The following HEATR4 variants were observed in gnomAD, a reference collection of about 807,000 sequenced individuals.
HEATR4 encodes the protein HEAT repeat-containing protein 4.
Under a neutral mutation model 108.8 loss-of-function variants are expected in HEATR4, and 95 were observed. The ratio of observed to expected loss-of-function variants is 0.87; its 90% CI spans 0.74 to 1.04. The LOEUF (loss-of-function observed/expected upper bound fraction) is 1.04, where lower values mean the gene tolerates loss of function less well. HEATR4 is among the 50% of genes least tolerant of loss of function. The pLI is 0.00. For synonymous variants in HEATR4, 443 were observed against 459.4 expected, an observed-to-expected ratio of 0.96 and a Z score of 0.46; for missense variants, 1,152 against 1,253.8, an observed-to-expected ratio of 0.92 and a Z score of 1.23.
At chr14:73,577,619 T>A in the HEATR4 span, among the ~76,000 whole-genome samples, 1 of 151,508 alleles carries the variant, frequency 6.6e-6, no homozygotes, top group Non-Finnish European at 1.5e-5. Context: ...CTTGTTTTAG[T>A]AGATGCTAGA....
the HEATR4 span, chr14:73,595,561 T>C: frequency 6.3e-7 from 1 of 1,599,468 alleles, no homozygotes; most frequent in Non-Finnish European, 8.6e-7. Context: ...CCAGGGCTCA[T>C]TCTAAGGCCC....
At chr14:73,563,732 G>C (rs1183277988), upstream of HEATR4, among the ~76,000 whole-genome samples, 1 of 151,994 alleles carries the variant, frequency 6.6e-6, no homozygotes, top group Non-Finnish European at 1.5e-5. Flanking sequence ...GGAGGCCAAG[G>C]CAGGAGGGTC....
At chr14:73,593,771 G>C in the HEATR4 span, 14 of 1,613,876 alleles carry the variant, frequency 8.7e-6, no homozygotes, top group Admixed American at 3.3e-5. Context: ...TATCGAGCCA[G>C]CCTCCTTGCT....
the HEATR4 span, among the ~76,000 whole-genome samples, chr14:73,568,853 A>G: frequency 2.6e-5 from 4 of 152,108 alleles, no homozygotes; most frequent in Non-Finnish European, 4.4e-5. Context: ...CAGAGAACAC[A>G]AAAGCAAAAC....
At chr14:73,524,336 T>TATATATATATATATATA (rs1888198687) in intron 2 of HEATR4, among the ~76,000 whole-genome samples, 3 of 134,544 alleles carry the variant, frequency 2.2e-5, no homozygotes, top group Admixed American at 7.5e-5. Flanking sequence ...TATATATATA[T>TATATATATATATATATA]TATAGCTGTA....
the HEATR4 span, chr14:73,595,540 G>A: frequency 1.2e-6 from 2 of 1,609,664 alleles, no homozygotes; most frequent in South Asian, 1.1e-5. Flanking sequence ...ATGTTATATG[G>A]GGTGGGGAGC....
the HEATR4 span, chr14:73,612,620 G>A: frequency 3.5e-6 from 5 of 1,415,304 alleles, no homozygotes; most frequent in Middle Eastern, 2.5e-4. Flanking sequence ...CTGCTGGGAC[G>A]AGCCGCTGCG....
intron 17 of HEATR4, chr14:73,491,037 G>C (rs1404393540): frequency 6.3e-7 from 1 of 1,582,448 alleles, no homozygotes; most frequent in East Asian, 2.3e-5. Flanking sequence ...CTCCAGGCCA[G>C]TGCAGGGCCG....
At chr14:73,498,129 G>A (rs929695154) in intron 14 of HEATR4, 26 bp downstream of exon 14, 2 of 1,585,312 alleles carry the variant, frequency 1.3e-6, no homozygotes, top group African/African-American at 1.3e-5. Flanking sequence ...TAAGGTCATG[G>A]TGGGAGCCAG....
intron 17 of HEATR4, among the ~76,000 whole-genome samples, chr14:73,482,997 CATTT>C (rs1885313357): frequency 6.6e-6 from 1 of 152,044 alleles, no homozygotes; most frequent in Non-Finnish European, 1.5e-5. Context: ...AAAACAAAAA[CATTT>C]AGGAAGTAAG....
intron 6 of HEATR4, 84 bp downstream of exon 6, chr14:73,513,947 T>C: frequency 7.1e-7 from 1 of 1,402,416 alleles, no homozygotes; most frequent in Non-Finnish European, 1.0e-6. Flanking sequence ...GAGGGATGGA[T>C]TTTTCAAAGA....
Position 73,514,188 on chromosome 14 carries a change from G to T in HEATR4, c.1257C>A (p.Thr419=). 3 of 1,614,200 alleles carry T rather than the reference G, an allele frequency of 1.9e-6. No individual in the cohort carries two copies. The highest frequency in any genetic ancestry group is 2.5e-6 in the Non-Finnish European group (3 of 1,180,040). The change falls in exon 6 of 18, where the codon ACC becomes ACA. Residue 419 remains threonine (T), a synonymous_variant. Coordinates refer to ENST00000553558, the MANE Select transcript of HEATR4 (RefSeq NM_001220484.1). ...CCTGCAGCAGCATATCCTTGGCGGG[G>T]GTGGGCAAAGCAGTCCAGCGCAGGG... ...QGALRWTALP[T]PAKDMLLQVG...
At chr14:73,509,866 A>ATATATATATTTATATATTTATATATT (rs1566832362) in intron 7 of HEATR4, among the ~76,000 whole-genome samples, 1 of 67,522 alleles carries the variant, frequency 1.5e-5, no homozygotes, top group African/African-American at 6.3e-5. Flanking sequence ...ATATATATAT[A>ATATATATATTTATATATTTATATATT]TATTTATTTA....
At chr14:73,525,902 G>A (rs972776443) in intron 2 of HEATR4, among the ~76,000 whole-genome samples, 3 of 150,958 alleles carry the variant, frequency 2.0e-5, no homozygotes, top group East Asian at 1.9e-4. Context: ...GCAGTGAGAC[G>A]AAATGGTGCC....
At chr14:73,487,934 T>C (rs1885514937) in intron 17 of HEATR4, among the ~76,000 whole-genome samples, 1 of 152,138 alleles carries the variant, frequency 6.6e-6, no homozygotes, top group Non-Finnish European at 1.5e-5. Flanking sequence ...GTCTAGCTTG[T>C]AGAAGTAGAG....
chr14:73,492,293 A>G lies in HEATR4; in HGVS notation c.2844+773T>C, dbSNP rs1262148054. On this transcript the variant is annotated intron_variant, in intron 17 of 17. Transcript: ENST00000553558. The surrounding 1 kb of genome is among the most constrained non-coding windows in gnomAD (Gnocchi z 4.9). ...CCTCACCTTGTCCACGTACCAGCGC[A>G]ATACCTGGGGTGACTTCTTAGAGGC... is the stretch of plus-strand genomic sequence containing the variant. 2 of 1,614,032 alleles carry G rather than the reference A, an allele frequency of 1.2e-6. No individual in the cohort carries two copies. The highest frequency in any genetic ancestry group is 1.7e-5 in the Admixed American group (1 of 60,024).
chr14:73,617,786 G>A, the HEATR4 span, among the ~76,000 whole-genome samples: 1 of 152,108 alleles, frequency 6.6e-6, no homozygotes, highest in Non-Finnish European at 1.5e-5. Flanking sequence ...ATTTTGTTGG[G>A]TATGATAATG....
chr14:73,491,257 C>T (rs764665975), intron 17 of HEATR4: 14 of 1,577,642 alleles, frequency 8.9e-6, no homozygotes, highest in Admixed American at 1.8e-5. Context: ...ACGCGCTACC[C>T]GGTGGGGCGG....
the HEATR4 span, among the ~76,000 whole-genome samples, chr14:73,633,161 C>T: frequency 2.3e-4 from 35 of 151,916 alleles, no homozygotes; most frequent in African/African-American, 7.5e-4. Flanking sequence ...CCTGCCACCA[C>T]GCCTGGCTAA....
Sources: gnomAD v4.1 joint callset for allele counts (sites outside exome capture counted in the v4.1 genomes callset) on GRCh38, gnomAD v4.1.1 for gene constraint, Gnocchi (gnomAD v3.1) non-coding constraint, MANE v1.5 for transcripts, NCBI Gene and HGNC (gene_info 2026-07-23, HGNC 2026-07-21) for gene names.